The following RPS8 variants were observed in gnomAD, a reference collection of about 807,000 sequenced individuals.
RPS8 encodes the protein ribosomal protein S8, also known as small ribosomal subunit protein eS8.
For synonymous variants in RPS8, 100 were observed against 100.7 expected, an observed-to-expected ratio of 0.99 and a Z score of 0.04; for missense variants, 141 against 269.7, an observed-to-expected ratio of 0.52 and a Z score of 3.34.
chr1:44,775,873 T>C (rs1344241113), intron 1 of RPS8, 161 bp from the exon 2 acceptor site: 1 of 837,016 alleles, frequency 1.2e-6, no homozygotes, highest in African/African-American at 1.7e-5. Context: ...ACGTGTATGA[T>C]GACAACTCGG....
At position 44,777,567 on chromosome 1, in the gene RPS8, C is replaced by T. The variant is rs1423827939; in HGVS notation, c.212-47C>T. Reference sequence around the variant, plus strand: ...AAGAACCTGGAGGAGTGTGCCAGGGCCATTTGTCCTCCAGTTTACTTGATG... The same window carrying T: ...AAGAACCTGGAGGAGTGTGCCAGGGTCATTTGTCCTCCAGTTTACTTGATG... On this transcript the variant is annotated intron_variant, in intron 3 of 5. Coordinates refer to ENST00000396651, the MANE Select transcript of RPS8 (RefSeq NM_001012.2). 5.4e-6 allele frequency: 8 copies of T among 1,493,384 alleles called. No homozygotes were observed. The East Asian group carries it at 9.0e-5, about 17-fold the overall frequency. The allele number at this position is 1,493,384 out of a possible 1,614,324, so 92.5% of individuals were successfully genotyped here.
Position 44,776,740 on chromosome 1 carries a change from G to A in RPS8, c.177G>A (p.Arg59=). 3 of 1,611,958 alleles carry A rather than the reference G, an allele frequency of 1.9e-6. No individual in the cohort carries two copies. Among genetic ancestry groups the A allele is most frequent in the Non-Finnish European group, 2.5e-6 (3 of 1,179,376 alleles). Residue 59 remains arginine (R), a synonymous_variant, in exon 3 of 6, where the codon AGG becomes AGA. Coordinates refer to ENST00000396651, the MANE Select transcript of RPS8 (RefSeq NM_001012.2). ...GTAACAAGAAATACCGTGCCCTGAGGTTGGACGTGGGGAATTTCTCCTGGG... is the reference window on the plus strand; with the variant it reads ...GTAACAAGAAATACCGTGCCCTGAGATTGGACGTGGGGAATTTCTCCTGGG... The part of the protein sequence containing the change: ...RGGNKKYRAL[R]LDVGNFSWGS...
rs543384566 is a variant in RPS8, at chr1:44,775,998, A to AGT, written c.5-34_5-33dup. ...TGGCGAGTCGCTAGCACCGAGTCACAGTGGCTCAAGCTTCCTTCCCCGCTT... is the reference window on the plus strand; with the variant it reads ...TGGCGAGTCGCTAGCACCGAGTCACAGTGTGGCTCAAGCTTCCTTCCCCGCTT... On this transcript the variant is annotated intron_variant, in intron 1 of 5. Coordinates refer to ENST00000396651, the MANE Select transcript of RPS8 (RefSeq NM_001012.2). 5.2e-4 allele frequency: 836 copies of AGT among 1,593,896 alleles called. 14 individuals carry two copies. In the South Asian group the frequency reaches 8.1e-3, roughly 16 times the overall value.
chr1:44,776,578 G>A, intron 2 of RPS8, 97 bp from the exon 3 acceptor site: 1 of 1,008,948 alleles, frequency 9.9e-7, no homozygotes, highest in Non-Finnish European at 1.6e-6. Flanking sequence ...ACTTGTCATA[G>A]TTACACTGAC....
rs749306892 is a variant in RPS8, at chr1:44,775,877, A to G, written c.5-157A>G. Reference sequence around the variant, plus strand: ...GGCCTGGCCGCACGTGTATGATGACAACTCGGTAATGCTGCATACTCCCGA... The same window carrying G: ...GGCCTGGCCGCACGTGTATGATGACGACTCGGTAATGCTGCATACTCCCGA... On this transcript the variant is annotated intron_variant, in intron 1 of 5. Transcript: ENST00000396651. 63 of 841,436 alleles carry G rather than the reference A, an allele frequency of 7.5e-5. 2 individuals are homozygous for G. In the South Asian group the frequency reaches 7.9e-4, roughly 11 times the overall value. 52.1% of individuals were successfully genotyped at this position (841,436 alleles called of 1,614,324 possible). A position where few individuals can be genotyped will look rare whatever the true frequency, so the allele number is the denominator to read the frequency against.
intron 3 of RPS8, 115 bp from the exon 4 acceptor site, chr1:44,777,499 G>A (rs1650898647): frequency 1.2e-6 from 1 of 826,842 alleles, no homozygotes; most frequent in Non-Finnish European, 2.0e-6. Flanking sequence ...GGCTTGTAAA[G>A]GCTGAGAGTT....
intron 3 of RPS8, chr1:44,777,369 C>T (rs2148843180): frequency 6.1e-6 from 3 of 495,766 alleles, no homozygotes; most frequent in East Asian, 3.6e-5. Flanking sequence ...CCGTGCCCGA[C>T]CTGCTCTGAT....
At chr1:44,775,806 C>T (rs1289976571) in intron 1 of RPS8, 15 of 800,688 alleles carry the variant, frequency 1.9e-5, no homozygotes, top group African/African-American at 3.5e-5. Flanking sequence ...CCGCGGGCTG[C>T]GGGCTCCGAG....
Position 44,778,739 on chromosome 1 carries a change from C to A in RPS8, c.*54C>A. 1 of 1,215,210 alleles carries A rather than the reference C, an allele frequency of 8.2e-7. No homozygotes were observed. The highest frequency in any genetic ancestry group is 1.4e-5 in the South Asian group (1 of 73,296). 75.3% of individuals were successfully genotyped at this position (1,215,210 alleles called of 1,614,324 possible). A position where few individuals can be genotyped will look rare whatever the true frequency, so the allele number is the denominator to read the frequency against. ...AAAGGTGTTTATTGTTTTGTTCCCA[C>A]ATTTATGTTGCCTGAATATATGACT... On this transcript the variant is annotated 3_prime_UTR_variant, in exon 6 of 6. Coordinates refer to ENST00000396651, the MANE Select transcript of RPS8 (RefSeq NM_001012.2).
At chr1:44,775,654 C>T in intron 1 of RPS8, 54 bp downstream of exon 1, 1 of 1,610,856 alleles carries the variant, frequency 6.2e-7, no homozygotes, top group Non-Finnish European at 8.5e-7. Context: ...TCAATCAGGC[C>T]CCATCCTGCT....
chr1:44,775,600 G>T lies in RPS8; in HGVS notation c.4G>T (p.Gly2Cys), dbSNP rs1020099580. M[G>C]ISRDNWHKRR... is the part of the protein sequence containing the mutation. ...TCTTTCCAGCCAGCGCCGAGCGATG[G>T]GTGAGTGTCGCTCTGCATTGAGGCG... The change falls in exon 1 of 6, where the codon GGC becomes TGC. Residue 2 changes from glycine (G) to cysteine (C), a missense_variant and splice_region_variant. Transcript: ENST00000396651. The T allele has an allele frequency of 6.2e-7, 1 of 1,614,160 alleles. No homozygotes were observed. The highest frequency in any genetic ancestry group is 1.1e-5 in the South Asian group (1 of 91,088).
At chr1:44,777,593 C>G (rs757573562) in intron 3 of RPS8, 21 bp from the exon 4 acceptor site, 1 of 1,604,602 alleles carries the variant, frequency 6.2e-7, no homozygotes, top group South Asian at 1.1e-5. Flanking sequence ...TTACTTGATG[C>G]CAAATTTCTC....
At chr1:44,778,228 T>C in intron 5 of RPS8, 99 bp downstream of exon 5, 4 of 1,441,706 alleles carry the variant, frequency 2.8e-6, no homozygotes, top group Non-Finnish European at 3.9e-6. Context: ...AGCCATGCAG[T>C]CTAAAGGGTT....
intron 3 of RPS8, 124 bp downstream of exon 3, chr1:44,776,898 G>A: frequency 1.6e-6 from 1 of 628,210 alleles, no homozygotes; most frequent in South Asian, 2.1e-5. Flanking sequence ...GAGGCGGGCG[G>A]ATCACCTGAG....
intron 1 of RPS8, 180 bp downstream of exon 1, chr1:44,775,780 G>A (rs1573588999): frequency 1.1e-6 from 1 of 924,200 alleles, no homozygotes; most frequent in South Asian, 1.4e-5. Context: ...GAAGGCTCTG[G>A]GCTCCGGGTT....
chr1:44,776,012 C>T, intron 1 of RPS8, 22 bp from the exon 2 acceptor site: 2 of 1,611,208 alleles, frequency 1.2e-6, no homozygotes, highest in Non-Finnish European at 1.7e-6. Flanking sequence ...GCTCAAGCTT[C>T]CTTCCCCGCT....
intron 3 of RPS8, 179 bp from the exon 4 acceptor site, chr1:44,777,435 A>C (rs1312457240): frequency 1.6e-6 from 1 of 612,382 alleles, no homozygotes; most frequent in Non-Finnish European, 3.0e-6. Flanking sequence ...CGGGTTGCCA[A>C]ACATAACTAG....
In RPS8 at chr1:44,777,748, C is replaced by T. The variant is rs754433878; in HGVS notation, c.346C>T (p.His116Tyr). ...STPYRQWYES[H>Y]YALPLGRKKG... is the part of the protein sequence containing the mutation. ...ACCGTACCGACAGTGGTACGAGTCC[C>T]ACTATGCGCTGCCCCTGGGCCGCAA... is the stretch of plus-strand genomic sequence containing the variant. The change falls in exon 4 of 6, where the codon CAC (histidine) becomes TAC (tyrosine). Residue 116 changes from histidine (H) to tyrosine (Y), a missense_variant. By Grantham distance (83) the His-to-Tyr change is moderately conservative. Coordinates refer to ENST00000396651, the MANE Select transcript of RPS8 (RefSeq NM_001012.2). 2 of 1,614,070 alleles carry T rather than the reference C, an allele frequency of 1.2e-6. No homozygotes were observed. The highest frequency in any genetic ancestry group is 3.3e-5 in the Admixed American group (2 of 60,008).
intron 2 of RPS8, 59 bp from the exon 3 acceptor site, chr1:44,776,616 C>G (rs370695473): frequency 6.9e-7 from 1 of 1,446,262 alleles, no homozygotes; most frequent in African/African-American, 1.4e-5. Context: ...CCAGGTTCCT[C>G]TCCCTCACTT....
Sources: allele counts gnomAD v4.1 joint callset, GRCh38; gene constraint gnomAD v4.1.1; transcripts MANE v1.5; gene names NCBI Gene and HGNC (gene_info 2026-07-23, HGNC 2026-07-21).